The following PRDM9 variants were observed in gnomAD, a reference collection of about 807,000 sequenced individuals.
PRDM9 encodes the protein histone-lysine N-methyltransferase PRDM9.
Under a neutral mutation model 55.6 loss-of-function variants are expected in PRDM9, and 47 were observed. That is an observed-to-expected ratio of 0.85 (90% CI 0.67 to 1.08). The LOEUF (loss-of-function observed/expected upper bound fraction) is 1.08. PRDM9 is among the 50% of genes least tolerant of loss of function. The probability of loss-of-function intolerance (pLI) is 0.00; values close to 1 mark genes in which losing one functional copy is unlikely to be tolerated. For synonymous variants in PRDM9, 312 were observed against 375.7 expected (o/e 0.83, Z 1.96); for missense variants, 867 against 1,040.3 (o/e 0.83, Z 2.29).
At position 23,526,490 on chromosome 5, in the gene PRDM9, T is replaced by C. The variant is rs753345110; in HGVS notation, c.1402T>C (p.Trp468Arg). The change falls in exon 11 of 11, where the codon TGG (tryptophan) becomes CGG (arginine). Residue 468 changes from tryptophan (W) to arginine (R), a missense_variant. Transcript: ENST00000296682. ...ERSKLLNKRT[W>R]QREISRAFSS... ...GTCCAAACTCTTGAATAAAAGGACA[T>C]GGCAGAGGGAGATTTCAAGGGCCTT... 1.7e-5 allele frequency: 27 copies of C among 1,613,824 alleles called. No homozygotes were observed. The highest frequency in any genetic ancestry group is 6.7e-5 in the Admixed American group (4 of 59,974).
chr5:23,514,698 C>A (rs1739170093), intron 4 of PRDM9, among the ~76,000 whole-genome samples: 1 of 152,114 alleles, frequency 6.6e-6, no homozygotes, highest in Non-Finnish European at 1.5e-5. Context: ...CCTCCTCGGC[C>A]TCCCAAAGTG....
intron 5 of PRDM9, 74 bp downstream of exon 5, chr5:23,518,004 T>A: frequency 7.4e-7 from 1 of 1,355,678 alleles, no homozygotes; most frequent in Non-Finnish European, 1.1e-6. Context: ...GAGGAGAATG[T>A]ACAGACTATC....
intron 4 of PRDM9, among the ~76,000 whole-genome samples, chr5:23,514,843 T>C (rs1739173788): frequency 2.0e-5 from 3 of 152,210 alleles, no homozygotes; most frequent in Admixed American, 2.0e-4. Context: ...TATTGAGGTA[T>C]TAAATATGCT....
chr5:23,521,486 C>T (rs114356258), intron 6 of PRDM9, among the ~76,000 whole-genome samples: 1,702 of 152,196 alleles, frequency 0.011, 41 homozygotes, highest in African/African-American at 0.039. Context: ...TATAGGCGTG[C>T]GCCACTGTGC....
Position 23,521,179 on chromosome 5 carries a change from G to A in PRDM9, c.508G>A (p.Glu170Lys), listed in dbSNP as rs758691394. ...TGGACAGCACTCAAGACTAAAACTG[G>A]GTAAGAAAAAATATTTGCGGGGACT... ...TSGQHSRLKL[E>K]LRKKETERKM... The change falls in exon 6 of 11, where the codon GAA becomes AAA. Residue 170 changes from glutamate to lysine, a missense_variant and splice_region_variant. Physicochemically the swap from Glu to Lys is moderately conservative, Grantham distance 56. Around this residue, in one of 5 missense-constraint regions of PRDM9, gnomAD observed 662 missense variants for 711.9 expected, o/e 0.93. Coordinates refer to ENST00000296682, the MANE Select transcript of PRDM9 (RefSeq NM_020227.4). 3.7e-6 allele frequency: 6 copies of A among 1,612,824 alleles called. No homozygotes were observed. Among genetic ancestry groups the A allele is most frequent in the Non-Finnish European group, 5.1e-6 (6 of 1,179,982 alleles).
chr5:23,526,306 T>A lies in PRDM9; in HGVS notation c.1218T>A (p.His406Gln). The change falls in exon 11 of 11, where the codon CAT becomes CAA. Residue 406 changes from histidine (H) to glutamine (Q), a missense_variant. By Grantham distance (24) the His-to-Gln change is conservative. Coordinates refer to ENST00000296682, the MANE Select transcript of PRDM9 (RefSeq NM_020227.4). ...CAAGTCAGAAATTTCTCAGTCAACA[T>A]GTAGAACGCAATCACTCCTCTCAGA... is the stretch of plus-strand genomic sequence containing the variant. ...AFSSQKFLSQ[H>Q]VERNHSSQNF... 1.2e-6 allele frequency: 2 copies of A among 1,614,144 alleles called. No individual in the cohort carries two copies. The highest frequency in any genetic ancestry group is 2.2e-5 in the East Asian group (1 of 44,864).
At chr5:23,512,107 TAGA>T (rs941815334) in intron 4 of PRDM9, among the ~76,000 whole-genome samples, 3 of 152,132 alleles carry the variant, frequency 2.0e-5, no homozygotes, top group African/African-American at 4.8e-5. Context: ...TTAAATTTCT[TAGA>T]AGAAGAAATA....
Position 23,526,350 on chromosome 5 carries a change from C to T in PRDM9, c.1262C>T (p.Ala421Val), listed in dbSNP as rs762944846. ...HSSQNFPGPS[A>V]RKLLQPENPC... ...TCTCAGAACTTCCCAGGACCATCTG[C>T]AAGAAAACTCCTCCAACCAGAGAAT... Residue 421 changes from alanine (A) to valine (V), a missense_variant, in exon 11 of 11, where the codon GCA becomes GTA. Ala to Val is a moderately conservative substitution (Grantham distance 64, BLOSUM62 0). This residue lies in a region of PRDM9 where 662 missense variants were observed against 711.9 expected (regional missense o/e 0.93). Transcript: ENST00000296682. 1 of 1,614,176 alleles carries T rather than the reference C, an allele frequency of 6.2e-7. No individual in the cohort carries two copies. The highest frequency in any genetic ancestry group is 1.7e-5 in the Admixed American group (1 of 60,020).
At chr5:23,509,242 G>A in intron 2 of PRDM9, 140 bp downstream of exon 2, 1 of 1,344,980 alleles carries the variant, frequency 7.4e-7, no homozygotes, top group Non-Finnish European at 1.0e-6. Context: ...AGGACATGGG[G>A]GAGAAAAGAA....
In PRDM9 at chr5:23,524,520, A is replaced by G; in HGVS notation, c.1137A>G (p.Ala379=). 1.9e-6 allele frequency: 3 copies of G among 1,613,950 alleles called. No homozygotes were observed. The highest frequency in any genetic ancestry group is 2.5e-6 in the Non-Finnish European group (3 of 1,179,846). The change falls in exon 10 of 11, where the codon GCA becomes GCG. Residue 379 remains alanine (A), a synonymous_variant. Transcript: ENST00000296682. ...GCAAGTGGAAGAAAGAGCTCATGGC[A>G]GGGAGAGGTAGGCATCACTATTACT... The part of the protein sequence containing the change: ...WGSKWKKELM[A]GREPKPEIHP...
intron 5 of PRDM9, 26 bp from the exon 6 acceptor site, chr5:23,520,997 T>A: frequency 6.2e-7 from 1 of 1,613,182 alleles, no homozygotes; most frequent in Non-Finnish European, 8.5e-7. Flanking sequence ...CGTGTTGTCT[T>A]TTAATATGTG....
rs1739398231 is a variant in PRDM9 at position 23,524,669 on chromosome 5, T to A, written c.1144+142T>A. ...ATCAGTGGCTTCCAAAATTAAACATTCATGTTATATACCTTTGCCTCTTTG... is the reference window on the plus strand; with the variant it reads ...ATCAGTGGCTTCCAAAATTAAACATACATGTTATATACCTTTGCCTCTTTG... On this transcript the variant is annotated intron_variant, in intron 10 of 10. Transcript: ENST00000296682. 3.3e-6 allele frequency: 4 copies of A among 1,196,296 alleles called. No individual in the cohort carries two copies. In the South Asian group the frequency reaches 5.6e-5, roughly 17 times the overall value. The allele number at this position is 1,196,296 out of a possible 1,614,324, so 74.1% of individuals were successfully genotyped here. A position where few individuals can be genotyped will look rare whatever the true frequency, so the allele number is the denominator to read the frequency against.
At position 23,522,869 on chromosome 5, in the gene PRDM9, A is replaced by C. The variant is rs201626990; in HGVS notation, c.866A>C (p.Asn289Thr). The C allele has an allele frequency of 6.2e-7, 1 of 1,614,208 alleles. No individual in the cohort carries two copies. ...RITEDEEAAN[N>T]GYSWLITKGR... is the part of the protein sequence containing the mutation. ...ACAGAAGACGAAGAGGCAGCCAACA[A>C]TGGATACTCCTGGCTGGTAAGAAGA... The change falls in exon 8 of 11, where the codon AAT (asparagine) becomes ACT (threonine). Residue 289 changes from asparagine (N) to threonine (T), a missense_variant. Physicochemically the swap from Asn to Thr is moderately conservative, Grantham distance 65 (BLOSUM62 0). Transcript: ENST00000296682.
chr5:23,523,024 A>G, intron 8 of PRDM9, 139 bp downstream of exon 8: 1 of 1,466,270 alleles, frequency 6.8e-7, no homozygotes, highest in East Asian at 2.3e-5. Flanking sequence ...CTTTGCATGA[A>G]CACGGAACTC....
At chr5:23,512,293 T>C (rs1739114260) in intron 4 of PRDM9, among the ~76,000 whole-genome samples, 1 of 152,146 alleles carries the variant, frequency 6.6e-6, no homozygotes. Flanking sequence ...GTAAATAAAA[T>C]AATGTATCAT....
At chr5:23,520,513 C>G (rs540094013) in intron 5 of PRDM9, among the ~76,000 whole-genome samples, 1 of 151,954 alleles carries the variant, frequency 6.6e-6, no homozygotes, top group Admixed American at 6.6e-5. Flanking sequence ...ATATTCTTTC[C>G]AGGATATGGC....
At chr5:23,521,286 G>A (rs1248375642) in intron 6 of PRDM9, 107 bp downstream of exon 6, 3 of 1,326,026 alleles carry the variant, frequency 2.3e-6, no homozygotes, top group Admixed American at 1.9e-5. Flanking sequence ...CTGGGCTTAA[G>A]CTGGACTCAA....
rs533222150 is a variant in PRDM9, at chr5:23,513,475, A to T, written c.301+3448A>T. Among the ~76,000 whole-genome samples, 8 of 152,186 alleles carry T rather than the reference A, an allele frequency of 5.3e-5. No homozygotes were observed. In the South Asian group the frequency reaches 1.2e-3, roughly 24 times the overall value. On this transcript the variant is annotated intron_variant, in intron 4 of 10. Coordinates refer to ENST00000296682, the MANE Select transcript of PRDM9 (RefSeq NM_020227.4). ...TTCTCTCTGTCTCACATGCACACTT[A>T]CGCTTCCACCATGTCATGATGCGGT...
At position 23,508,965 on chromosome 5, in the gene PRDM9, G is replaced by A. The variant is rs1278716976; in HGVS notation, c.-69G>A. ...CCTTCCACAGGAGCCTTTGGCCTAG[G>A]AGCTGGGAGACTCAGGGCCCTTCTC... is the stretch of plus-strand genomic sequence containing the variant. On this transcript the variant is annotated 5_prime_UTR_variant, in exon 2 of 11. Coordinates refer to ENST00000296682, the MANE Select transcript of PRDM9 (RefSeq NM_020227.4). The A allele has an allele frequency of 6.4e-7, 1 of 1,572,790 alleles. No individual in the cohort carries two copies. The highest frequency in any genetic ancestry group is 8.7e-7 in the Non-Finnish European group (1 of 1,148,456).
Sources: gnomAD v4.1 joint callset for allele counts (sites outside exome capture counted in the v4.1 genomes callset) on GRCh38, gnomAD v4.1.1 for gene constraint, gnomAD v4.1.1 regional missense constraint, MANE v1.5 for transcripts, NCBI Gene and HGNC (gene_info 2026-07-23, HGNC 2026-07-21) for gene names.